Variants in TTYH3 observed in about 807,000 individuals in gnomAD.
TTYH3 encodes the protein protein tweety homolog 3.
Under a neutral mutation model 68.2 loss-of-function variants are expected in TTYH3, and 23 were observed. The observed-to-expected ratio is 0.34, with a 90% confidence interval of 0.24 to 0.48. The LOEUF (loss-of-function observed/expected upper bound fraction) is 0.48, where lower values mean the gene tolerates loss of function less well. TTYH3 is among the 20% of genes least tolerant of loss of function. TTYH3 has a pLI of 0.99. For missense variants in TTYH3, 768 were observed against 727.7 expected, an observed-to-expected ratio of 1.06 and a Z score of -0.64; for synonymous variants, 360 against 332.8, an observed-to-expected ratio of 1.08 and a Z score of -0.89.
In TTYH3 at chr7:2,664,585, G is replaced by T. The variant is rs1786572060; in HGVS notation, c.*2846G>T. The T allele has an allele frequency of 6.6e-6, 1 of 152,100 alleles. No homozygotes were observed. Among genetic ancestry groups the T allele is most frequent in the South Asian group, 2.1e-4 (1 of 4,808 alleles). The allele number at this position is 152,100 out of a possible 1,614,324, so 9.4% of individuals were successfully genotyped here. A position where few individuals can be genotyped will look rare whatever the true frequency, so the allele number is the denominator to read the frequency against. On this transcript the variant is annotated 3_prime_UTR_variant, in exon 14 of 14. Transcript: ENST00000258796. ...ATTTAACATCCAGGAACTGAGGCCTGAACCATTTTGCATTTCCCCCTCCTC... is the reference window on the plus strand; with the variant it reads ...ATTTAACATCCAGGAACTGAGGCCTTAACCATTTTGCATTTCCCCCTCCTC...
At chr7:2,641,839 T>G (rs1187227631) in intron 1 of TTYH3, among the ~76,000 whole-genome samples, 2 of 152,174 alleles carry the variant, frequency 1.3e-5, no homozygotes, top group Admixed American at 1.3e-4. Flanking sequence ...CCTGGCGCGT[T>G]GGGTGCCGGG....
rs566691323 is a variant in TTYH3 at position 2,634,500 on chromosome 7, G to C, written c.123+2222G>C. On this transcript the variant is annotated intron_variant, in intron 1 of 13. Coordinates refer to ENST00000258796, the MANE Select transcript of TTYH3 (RefSeq NM_025250.3). Reference sequence around the variant, plus strand: ...AGGGCTCCCTCTTAGCTGTCTCTGTGCTGCCCCAACCTGGGCTGTGCCCTG... The same window carrying C: ...AGGGCTCCCTCTTAGCTGTCTCTGTCCTGCCCCAACCTGGGCTGTGCCCTG... Among the ~76,000 whole-genome samples, 11 of 151,542 alleles carry C rather than the reference G, an allele frequency of 7.3e-5. No individual in the cohort carries two copies. The East Asian group carries it at 1.8e-3, about 24-fold the overall frequency.
In TTYH3 at chr7:2,664,318, C is replaced by G. The variant is rs939987955; in HGVS notation, c.*2579C>G. The G allele has an allele frequency of 6.5e-6, 1 of 152,682 alleles. No individual in the cohort carries two copies. The highest frequency in any genetic ancestry group is 2.4e-5 in the African/African-American group (1 of 41,452). The allele number at this position is 152,682 out of a possible 1,614,324, so 9.5% of individuals were successfully genotyped here. A position where few individuals can be genotyped will look rare whatever the true frequency, so the allele number is the denominator to read the frequency against. On this transcript the variant is annotated 3_prime_UTR_variant, in exon 14 of 14. Transcript: ENST00000258796. ...ATTTGCTCCTGCCCTGGGGCCAGCT[C>G]TGCCCCAGCCCTGAGAGGGGTGGTG...
intron 1 of TTYH3, among the ~76,000 whole-genome samples, chr7:2,634,783 A>G (rs1249430214): frequency 2.0e-5 from 3 of 152,104 alleles, no homozygotes; most frequent in Admixed American, 1.3e-4. Flanking sequence ...AGAGTTGTCC[A>G]TTGTACAGAT....
chr7:2,647,014 G>T lies in TTYH3; in HGVS notation c.285G>T (p.Leu95=). 1 of 1,568,796 alleles carries T rather than the reference G, an allele frequency of 6.4e-7. No individual in the cohort carries two copies. Among genetic ancestry groups the T allele is most frequent in the East Asian group, 2.3e-5 (1 of 43,304 alleles). ...CCTGGTGTGTCATCATCGCCACGCT[G>T]GTGTGCAGGTGAGCGCGGTGGGGCG... The part of the protein sequence containing the change: ...CTAWCVIIAT[L]VCSAGIAVGF... The change falls in exon 2 of 14, where the codon CTG becomes CTT. Residue 95 remains leucine (L), a synonymous_variant. Coordinates refer to ENST00000258796, the MANE Select transcript of TTYH3 (RefSeq NM_025250.3).
At chr7:2,648,544 G>T (rs972757621) in intron 5 of TTYH3, 1 of 155,436 alleles carries the variant, frequency 6.4e-6, no homozygotes, top group African/African-American at 2.4e-5. Flanking sequence ...GGGAGGTAAG[G>T]TGTTGTCACT....
chr7:2,660,611 C>G (rs887984502), intron 13 of TTYH3: 5 of 945,322 alleles, frequency 5.3e-6, no homozygotes, highest in Non-Finnish European at 6.2e-6. Context: ...AGTGGAATGA[C>G]GAGGCTCCGG....
intron 9 of TTYH3, among the ~76,000 whole-genome samples, chr7:2,653,945 C>G (rs533175680): frequency 6.6e-6 from 1 of 152,188 alleles, no homozygotes; most frequent in Non-Finnish European, 1.5e-5. Flanking sequence ...TTTGGTCCAC[C>G]CGTGGGGATC....
At chr7:2,633,200 G>T (rs986646549) in intron 1 of TTYH3, among the ~76,000 whole-genome samples, 1 of 152,284 alleles carries the variant, frequency 6.6e-6, no homozygotes, top group South Asian at 2.1e-4. Context: ...CGTGACCAGG[G>T]TCCCTGGTCA....
Position 2,632,294 on chromosome 7 carries a change from C to T in TTYH3, c.123+16C>T. The stretch of plus-strand genomic sequence containing the variant: ...CTACCAGCAGGTGACATGGGCCTCT[C>T]GGGGTCGCGGGGTCAGGGACCCCAG... On this transcript the variant is annotated intron_variant, in intron 1 of 13. Transcript: ENST00000258796. The T allele has an allele frequency of 6.4e-7, 1 of 1,552,680 alleles. No individual in the cohort carries two copies. The highest frequency in any genetic ancestry group is 8.7e-7 in the Non-Finnish European group (1 of 1,145,368).
Position 2,647,408 on chromosome 7 carries a change from T to C in TTYH3, c.406-10T>C. 1 of 1,484,396 alleles carries C rather than the reference T, an allele frequency of 6.7e-7. No homozygotes were observed. The highest frequency in any genetic ancestry group is 8.9e-7 in the Non-Finnish European group (1 of 1,122,054). 92.0% of individuals were successfully genotyped at this position (1,484,396 alleles called of 1,614,324 possible). A position where few individuals can be genotyped will look rare whatever the true frequency, so the allele number is the denominator to read the frequency against. ...GCGCTCCCAGCCTCACGCCCGCGGG[T>C]CCGGCGCAGGTGTGGGACACGGCGG... On this transcript the variant is annotated splice_polypyrimidine_tract_variant and intron_variant, in intron 3 of 13. Coordinates refer to ENST00000258796, the MANE Select transcript of TTYH3 (RefSeq NM_025250.3).
chr7:2,661,788 G>A lies in TTYH3; in HGVS notation c.*49G>A. On this transcript the variant is annotated 3_prime_UTR_variant, in exon 14 of 14. Transcript: ENST00000258796. ...CCACGTGCCAACTTCCCCTCCCCGT[G>A]CCAGCACTGCCGCTTCCACCTGGGC... 2 of 1,562,526 alleles carry A rather than the reference G, an allele frequency of 1.3e-6. No homozygotes were observed. Among genetic ancestry groups the A allele is most frequent in the Non-Finnish European group, 1.7e-6 (2 of 1,154,198 alleles).
chr7:2,641,527 C>T lies in TTYH3; in HGVS notation c.124-5326C>T, dbSNP rs1403508373. On this transcript the variant is annotated intron_variant, in intron 1 of 13. Transcript: ENST00000258796. Reference sequence around the variant, plus strand: ...AGTTGAGTCCTCTCCGTGTGCTCCGCGGAACCCAGCGTGCAGTTTTCGCCT... The same window carrying T: ...AGTTGAGTCCTCTCCGTGTGCTCCGTGGAACCCAGCGTGCAGTTTTCGCCT... Among the ~76,000 whole-genome samples, 3 of 152,196 alleles carry T rather than the reference C, an allele frequency of 2.0e-5. No individual in the cohort carries two copies. The South Asian group carries it at 6.2e-4, about 32-fold the overall frequency.
chr7:2,636,275 G>T (rs146761443), intron 1 of TTYH3, among the ~76,000 whole-genome samples: 1 of 152,334 alleles, frequency 6.6e-6, no homozygotes, highest in Non-Finnish European at 1.5e-5. Context: ...GGTTAAAACG[G>T]CAGTGTTGGT....
chr7:2,647,581 A>G lies in TTYH3; in HGVS notation c.569A>G (p.Asn190Ser). The stretch of plus-strand genomic sequence containing the variant: ...ACGGCCGCCATCCCCTTTTGGAGGA[A>G]CACGGCGGTGTCGCTGGAGGTGCTG... ...GYTAAIPFWR[N>S]TAVSLEVLAE... Residue 190 changes from asparagine to serine, a missense_variant, in exon 4 of 14, where the codon AAC becomes AGC. Transcript: ENST00000258796. 1 of 1,572,714 alleles carries G rather than the reference A, an allele frequency of 6.4e-7. No individual in the cohort carries two copies.
At chr7:2,640,959 G>A (rs1785825713) in intron 1 of TTYH3, among the ~76,000 whole-genome samples, 1 of 152,248 alleles carries the variant, frequency 6.6e-6, no homozygotes, top group South Asian at 2.1e-4. Context: ...CACCGGGTTT[G>A]GGCCTGGGTC....
At chr7:2,646,784 G>C in intron 1 of TTYH3, 69 bp from the exon 2 acceptor site, 1 of 1,484,132 alleles carries the variant, frequency 6.7e-7, no homozygotes, top group South Asian at 1.2e-5. Context: ...CAGGTCCCCT[G>C]CTGGGGCGGG....
chr7:2,659,982 C>A (rs753783391), intron 13 of TTYH3: 4 of 1,304,022 alleles, frequency 3.1e-6, no homozygotes. Context: ...CGCGGGCTGG[C>A]AGTTTAAGCC....
rs748869158 is a variant in TTYH3, at chr7:2,656,446, C to G, written c.1162C>G (p.Leu388Val). 2 of 1,611,882 alleles carry G rather than the reference C, an allele frequency of 1.2e-6. No individual in the cohort carries two copies. Among genetic ancestry groups the G allele is most frequent in the African/African-American group, 2.7e-5 (2 of 74,906 alleles). ...TGFCYDGVEGLIYLALFSFVT... is the reference protein window; with the variant it reads ...TGFCYDGVEGVIYLALFSFVT... ...CTTCTGCTATGACGGCGTGGAGGGC[C>G]TCATCTACCTGGCCCTCTTCTCCTT... The change falls in exon 11 of 14, where the codon CTC (leucine) becomes GTC (valine). Residue 388 changes from leucine (L) to valine (V), a missense_variant. Physicochemically the swap from Leu to Val is conservative, Grantham distance 32 (BLOSUM62 1). Transcript: ENST00000258796.
Sources: gnomAD v4.1 joint callset for allele counts (sites outside exome capture counted in the v4.1 genomes callset) on GRCh38, gnomAD v4.1.1 for gene constraint, MANE v1.5 for transcripts, NCBI Gene and HGNC (gene_info 2026-07-23, HGNC 2026-07-21) for gene names.